The following CCDC171 variants were observed in gnomAD, a reference collection of about 807,000 sequenced individuals.
CCDC171 encodes coiled-coil domain containing 171.
CCDC171 carries 177 observed loss-of-function variants against 168.2 expected under a neutral mutation model. The ratio of observed to expected loss-of-function variants is 1.05; its 90% confidence interval spans 0.93 to 1.19. CCDC171 has a LOEUF of 1.19. Ranked by LOEUF, CCDC171 falls within the 50% of genes most tolerant of loss-of-function variation. CCDC171 has a pLI of 0.00. For missense variants in CCDC171, 1,991 were observed against 1,539.0 expected, an observed-to-expected ratio of 1.29 and a Z score of -4.91; for synonymous variants, 687 against 540.8, an observed-to-expected ratio of 1.27 and a Z score of -3.75.
intron 23 of CCDC171, among the ~76,000 whole-genome samples, chr9:15,849,800 T>TACCCTAAA (rs2130796223): frequency 1.3e-5 from 2 of 151,978 alleles, no homozygotes; most frequent in East Asian, 3.9e-4. Context: ...TCACTTAAAA[T>TACCCTAAA]ACCCTAAAAC....
downstream of CCDC171, among the ~76,000 whole-genome samples, chr9:15,974,235 C>A (rs1403206016): frequency 2.0e-5 from 3 of 151,748 alleles, no homozygotes; most frequent in African/African-American, 7.3e-5. Flanking sequence ...AATATTTATA[C>A]CATATGCTTT....
intron 16 of CCDC171, among the ~76,000 whole-genome samples, chr9:15,733,967 G>C (rs2054318375): frequency 6.6e-6 from 1 of 151,898 alleles, no homozygotes; most frequent in Admixed American, 6.6e-5. Flanking sequence ...TAGAGATGAG[G>C]TCTCACTATG....
chr9:15,958,111 C>G (rs142440175), intron 25 of CCDC171, among the ~76,000 whole-genome samples: 290 of 145,714 alleles, frequency 2.0e-3, no homozygotes, highest in African/African-American at 6.2e-3. Flanking sequence ...TTAACTCACT[C>G]ATCCATTCAT....
At chr9:15,597,653 G>C (rs1025005322) in intron 6 of CCDC171, among the ~76,000 whole-genome samples, 4 of 152,118 alleles carry the variant, frequency 2.6e-5, no homozygotes, top group African/African-American at 9.7e-5. Flanking sequence ...GATGATGCTG[G>C]CCTCATAAAA....
intron 11 of CCDC171, among the ~76,000 whole-genome samples, chr9:15,706,624 A>G (rs1342836021): frequency 6.6e-6 from 1 of 152,086 alleles, no homozygotes; most frequent in East Asian, 1.9e-4. Context: ...TTCTTCTAAT[A>G]GTTTCACTTA....
chr9:15,750,166 T>C (rs2055622390), intron 18 of CCDC171, among the ~76,000 whole-genome samples: 2 of 151,874 alleles, frequency 1.3e-5, no homozygotes, highest in African/African-American at 4.8e-5. Context: ...AAATACAGAC[T>C]ACCATCAGAG....
intron 9 of CCDC171, among the ~76,000 whole-genome samples, chr9:15,676,116 A>G (rs1042968352): frequency 1.3e-5 from 2 of 151,800 alleles, no homozygotes; most frequent in Non-Finnish European, 2.9e-5. Context: ...ACTTCATTTC[A>G]TTCATTTGAT....
chr9:15,743,927 GGAAGAAGA>G (rs2055074819), intron 16 of CCDC171, among the ~76,000 whole-genome samples: 1 of 152,142 alleles, frequency 6.6e-6, no homozygotes. Flanking sequence ...AGTGAGGAGT[GGAAGAAGA>G]GAAATTATAC....
intron 3 of CCDC171, among the ~76,000 whole-genome samples, chr9:15,980,913 C>T (rs75058836): frequency 0.08 from 11,517 of 144,688 alleles, 1,436 homozygotes; most frequent in African/African-American, 0.27. Context: ...AGAGGTTTAA[C>T]TGAACCTACA....
intron 6 of CCDC171, among the ~76,000 whole-genome samples, chr9:15,598,100 C>A (rs2042521699): frequency 6.6e-6 from 1 of 152,068 alleles, no homozygotes; most frequent in South Asian, 2.1e-4. Context: ...AAAAAACCAC[C>A]TCCTGGATTC....
intron 8 of CCDC171, 28 bp downstream of exon 8, chr9:15,657,247 G>T: frequency 2.8e-6 from 4 of 1,421,424 alleles, no homozygotes; most frequent in Non-Finnish European, 4.0e-6. Context: ...ATTTTGGCCT[G>T]CATTTTCTTA....
Position 15,578,954 on chromosome 9 carries a change from G to T in CCDC171, c.283G>T (p.Ala95Ser), listed in dbSNP as rs753184846. ...TGACCTAGCTGTTGCTAGAAAGGAA[G>T]CTGGTCTTGGAAGACGGGCTGCTGA... ...EYDLAVARKE[A>S]GLGRRAAEER... The change falls in exon 4 of 26, where the codon GCT becomes TCT. Residue 95 changes from alanine to serine, a missense_variant. Physicochemically the swap from Ala to Ser is moderately conservative, Grantham distance 99. Coordinates refer to ENST00000380701, the MANE Select transcript of CCDC171 (RefSeq NM_173550.4). The T allele has an allele frequency of 6.2e-7, 1 of 1,614,110 alleles. No individual in the cohort carries two copies.
At chr9:15,844,045 C>G (rs186452362) in intron 21 of CCDC171, among the ~76,000 whole-genome samples, 3 of 152,208 alleles carry the variant, frequency 2.0e-5, no homozygotes, top group East Asian at 1.9e-4. Flanking sequence ...TTGATTTATC[C>G]TATTCTCTCC....
chr9:15,968,731 G>C (rs540441326), intron 25 of CCDC171, among the ~76,000 whole-genome samples: 2 of 152,028 alleles, frequency 1.3e-5, no homozygotes, highest in East Asian at 3.9e-4. Context: ...CAGAGACGAG[G>C]TTCCACCATG....
At chr9:15,803,643 C>T (rs2058934069) in intron 21 of CCDC171, among the ~76,000 whole-genome samples, 1 of 152,076 alleles carries the variant, frequency 6.6e-6, no homozygotes, top group Non-Finnish European at 1.5e-5. Context: ...GTACCAGTAC[C>T]ATGCTGTTTT....
At chr9:15,574,291 C>A (rs2040462343) in intron 3 of CCDC171, among the ~76,000 whole-genome samples, 1 of 152,012 alleles carries the variant, frequency 6.6e-6, no homozygotes, top group Admixed American at 6.6e-5. Flanking sequence ...ATTACAGGTG[C>A]CTGCCACTGT....
the CCDC171 span, among the ~76,000 whole-genome samples, chr9:16,076,127 T>C: frequency 6.6e-6 from 1 of 152,194 alleles, no homozygotes; most frequent in South Asian, 2.1e-4. Flanking sequence ...AGCTAGTCAA[T>C]TGATTCTGCT....
chr9:16,062,101 G>A (rs1833938792), downstream of CCDC171, among the ~76,000 whole-genome samples: 1 of 152,102 alleles, frequency 6.6e-6, no homozygotes, highest in African/African-American at 2.4e-5. Flanking sequence ...ACATCCCAGA[G>A]AGAACCTGTG....
chr9:15,559,598 C>A (rs905721717), intron 1 of CCDC171, among the ~76,000 whole-genome samples: 8 of 152,094 alleles, frequency 5.3e-5, no homozygotes, highest in African/African-American at 1.9e-4. Flanking sequence ...GATCTTACTC[C>A]GTCCCTTTAT....
Sources: gnomAD v4.1 joint callset for allele counts (sites outside exome capture counted in the v4.1 genomes callset) on GRCh38, gnomAD v4.1.1 for gene constraint, MANE v1.5 for transcripts, NCBI Gene and HGNC (gene_info 2026-07-23, HGNC 2026-07-21) for gene names.